WDR45B: variants seen among roughly 807,000 people sequenced by gnomAD.
WDR45B encodes the protein WD repeat domain phosphoinositide-interacting protein 3.
In WDR45B, 20 loss-of-function variants were observed where a neutral mutation model predicts 44.6. That is an observed-to-expected ratio of 0.45 (90% CI 0.32 to 0.65). The LOEUF is 0.65. WDR45B is among the 30% of genes least tolerant of loss of function. WDR45B has a pLI of 0.05. For synonymous variants in WDR45B, 169 were observed against 164.9 expected (o/e 1.02, Z -0.19); for missense variants, 323 against 430.2 (o/e 0.75, Z 2.20).
At chr17:82,642,650 A>T (rs1359912981) in intron 2 of WDR45B, among the ~76,000 whole-genome samples, 1 of 152,172 alleles carries the variant, frequency 6.6e-6, no homozygotes. Flanking sequence ...AACCTGTGGG[A>T]TCTGACTCTA....
chr17:82,624,967 C>A (rs1261559155), intron 5 of WDR45B, among the ~76,000 whole-genome samples: 1 of 152,112 alleles, frequency 6.6e-6, no homozygotes, highest in Non-Finnish European at 1.5e-5. Context: ...TTTACCCTAA[C>A]AAAGCCAGAG....
chr17:82,624,645 G>C (rs2045669106), intron 5 of WDR45B, among the ~76,000 whole-genome samples: 2 of 148,086 alleles, frequency 1.4e-5, no homozygotes, highest in South Asian at 4.3e-4. Flanking sequence ...TTGAGATAGA[G>C]TCTTGCTCTA....
intron 8 of WDR45B, among the ~76,000 whole-genome samples, chr17:82,616,999 T>G (rs2045545945): frequency 1.3e-5 from 2 of 152,046 alleles, no homozygotes; most frequent in African/African-American, 4.8e-5. Context: ...TGTTTTTTAG[T>G]AGAGATGGGG....
At chr17:82,621,347 CT>C (rs539812062) in intron 6 of WDR45B, among the ~76,000 whole-genome samples, 158 of 152,336 alleles carry the variant, frequency 1.0e-3, no homozygotes, top group African/African-American at 3.4e-3. Context: ...GCCACTGCCC[CT>C]GGCCCTGTTT....
chr17:82,627,427 A>G, intron 3 of WDR45B, 136 bp from the exon 4 acceptor site: 1 of 752,288 alleles, frequency 1.3e-6, no homozygotes, highest in Non-Finnish European at 2.3e-6. Flanking sequence ...CCTCAGACAC[A>G]CACCCGCACC....
rs1271961965 is a variant in WDR45B at position 82,627,747 on chromosome 17, G to A, written c.245-456C>T. Among the ~76,000 whole-genome samples the A allele has an allele frequency of 3.3e-5, 5 of 152,252 alleles. No individual in the cohort carries two copies. The South Asian group carries it at 6.2e-4, about 19-fold the overall frequency. On this transcript the variant is annotated intron_variant, in intron 3 of 9. Coordinates refer to ENST00000392325, the MANE Select transcript of WDR45B (RefSeq NM_019613.4). ...ACCCACTGGCCTCGCACACAGGCGCGCTGAGCGCGTTCATCTCTCTCTGCC... is the reference window on the plus strand; with the variant it reads ...ACCCACTGGCCTCGCACACAGGCGCACTGAGCGCGTTCATCTCTCTCTGCC...
chr17:82,621,692 C>T lies in WDR45B; in HGVS notation c.535G>A (p.Val179Met). 6.8e-6 allele frequency: 11 copies of T among 1,614,202 alleles called. No homozygotes were observed. Among genetic ancestry groups the T allele is most frequent in the South Asian group, 2.2e-5 (2 of 91,080 alleles). The change falls in exon 6 of 10, where the codon GTG becomes ATG. Residue 179 changes from valine to methionine, a missense_variant. Physicochemically the swap from Val to Met is conservative, Grantham distance 21. Transcript: ENST00000392325. ...ACACCCTCGTGTGCAGGAATGTCCACGGGTGGCTTCTCCGTGCTGGCCAGG... is the reference window on the plus strand; with the variant it reads ...ACACCCTCGTGTGCAGGAATGTCCATGGGTGGCTTCTCCGTGCTGGCCAGG... ...VDLASTEKPP[V>M]DIPAHEGVLS... is the part of the protein sequence containing the mutation.
rs1219684259 is a variant in WDR45B at position 82,648,410 on chromosome 17, T to G, written c.-70A>C. On this transcript the variant is annotated 5_prime_UTR_variant, in exon 1 of 10. Coordinates refer to ENST00000392325, the MANE Select transcript of WDR45B (RefSeq NM_019613.4). The stretch of plus-strand genomic sequence containing the variant: ...TCGCTGGGGACGGCGGCCTGGTCCC[T>G]TCGGGCCGGCGCTGAGGCCGCCGCG... The G allele has an allele frequency of 1.3e-6, 2 of 1,559,420 alleles. No homozygotes were observed. The highest frequency in any genetic ancestry group is 1.7e-6 in the Non-Finnish European group (2 of 1,152,452).
rs758343971 is a variant in WDR45B at position 82,648,291 on chromosome 17, C to G, written c.50G>C (p.Gly17Ala). The G allele has an allele frequency of 6.2e-7, 1 of 1,606,630 alleles. No homozygotes were observed. The highest frequency in any genetic ancestry group is 2.3e-5 in the East Asian group (1 of 44,316). Reference protein sequence around the residue: ...NPHGNGLLYAGFNQDHGCFAC... With the variant: ...NPHGNGLLYAAFNQDHGCFAC... ...CTCCTCACCGTGGTCCTGGTTGAAGCCGGCGTAGAGCAGCCCGTTGCCGTG... is the reference window on the plus strand; with the variant it reads ...CTCCTCACCGTGGTCCTGGTTGAAGGCGGCGTAGAGCAGCCCGTTGCCGTG... Residue 17 changes from glycine (G) to alanine (A), a missense_variant, in exon 1 of 10, where the codon GGC becomes GCC. Physicochemically the swap from Gly to Ala is moderately conservative, Grantham distance 60. Transcript: ENST00000392325.
At chr17:82,623,548 A>G (rs1462307171) in intron 5 of WDR45B, among the ~76,000 whole-genome samples, 3 of 151,814 alleles carry the variant, frequency 2.0e-5, no homozygotes, top group Non-Finnish European at 4.4e-5. Flanking sequence ...AAAAATACAA[A>G]AATTAGCCAG....
rs368935950 is a variant in WDR45B at position 82,616,534 on chromosome 17, G to A, written c.918C>T (p.Asn306=). 3.9e-4 allele frequency: 628 copies of A among 1,614,018 alleles called. No homozygotes were observed. The highest frequency in any genetic ancestry group is 5.1e-4 in the Non-Finnish European group (605 of 1,180,018). The change falls in exon 9 of 10, where the codon AAC becomes AAT. Residue 306 remains asparagine (N), a synonymous_variant. Coordinates refer to ENST00000392325, the MANE Select transcript of WDR45B (RefSeq NM_019613.4). ...GGAAGGACCACTCACCAATGACGGC[G>A]TTTGGCTCTGTTCCAAAGGCACAAA... ...PCICAFGTEP[N]AVIAICADGS...
At chr17:82,627,393 G>T in intron 3 of WDR45B, 102 bp from the exon 4 acceptor site, 1 of 971,814 alleles carries the variant, frequency 1.0e-6, no homozygotes, top group Non-Finnish European at 1.6e-6. Flanking sequence ...TCTTCCCACT[G>T]GCACAGCTGC....
chr17:82,617,629 TG>T (rs2045555767), intron 7 of WDR45B: 1 of 557,238 alleles, frequency 1.8e-6, no homozygotes, highest in East Asian at 3.4e-5. Flanking sequence ...TTTCCTTGGG[TG>T]CCCCACAAAT....
At chr17:82,618,127 G>A (rs928528987) in intron 7 of WDR45B, among the ~76,000 whole-genome samples, 31 of 151,998 alleles carry the variant, frequency 2.0e-4, no homozygotes, top group Non-Finnish European at 2.6e-4. Flanking sequence ...ATGGGGTTTC[G>A]CCATGCTGGC....
At position 82,616,462 on chromosome 17, in the gene WDR45B, G is replaced by A. The variant is rs1444026712; in HGVS notation, c.928+62C>T. 2.0e-5 allele frequency: 33 copies of A among 1,611,064 alleles called. No individual in the cohort carries two copies. The South Asian group carries it at 2.3e-4, about 11-fold the overall frequency. ...ACGTCCATGGGAAGTTAGGTCTGAC[G>A]CTCAGTGGATGGAGCCCAGGTGGGG... is the stretch of plus-strand genomic sequence containing the variant. On this transcript the variant is annotated intron_variant, in intron 9 of 9. Transcript: ENST00000392325.
intron 3 of WDR45B, among the ~76,000 whole-genome samples, 156 bp from the exon 4 acceptor site, chr17:82,627,447 T>C (rs1033496712): frequency 1.3e-5 from 2 of 152,242 alleles, no homozygotes; most frequent in African/African-American, 4.8e-5. Flanking sequence ...CTGGGAGGCC[T>C]TGGGGTGTAA....
At chr17:82,641,263 G>T (rs550050697) in intron 2 of WDR45B, among the ~76,000 whole-genome samples, 1 of 152,212 alleles carries the variant, frequency 6.6e-6, no homozygotes, top group African/African-American at 2.4e-5. Flanking sequence ...CACCGTGCGG[G>T]CCGTCAAACT....
At chr17:82,634,487 G>A (rs186538656) in intron 2 of WDR45B, among the ~76,000 whole-genome samples, 1 of 148,072 alleles carries the variant, frequency 6.8e-6, no homozygotes, top group Non-Finnish European at 1.5e-5. Flanking sequence ...GCGAGACTCT[G>A]TCTCAAAAAA....
At chr17:82,647,899 G>A (rs988116829) in intron 1 of WDR45B, among the ~76,000 whole-genome samples, 3 of 151,568 alleles carry the variant, frequency 2.0e-5, no homozygotes, top group African/African-American at 7.3e-5. Flanking sequence ...GGAGCCCGCA[G>A]GGAGCCAGGG....
Sources: allele counts gnomAD v4.1 joint callset (sites outside exome capture counted in the v4.1 genomes callset), GRCh38; gene constraint gnomAD v4.1.1; transcripts MANE v1.5; gene names NCBI Gene and HGNC (gene_info 2026-07-23, HGNC 2026-07-21).